The following ANK3 variants were observed in gnomAD, a reference collection of about 807,000 sequenced individuals.
ANK3 encodes the protein ankyrin 3.
Under a neutral mutation model 370.9 loss-of-function variants are expected in ANK3, and 57 were observed. That is an observed-to-expected ratio of 0.15 (90% CI 0.12 to 0.19). The LOEUF (loss-of-function observed/expected upper bound fraction) is 0.19. Ranked by LOEUF, ANK3 falls within the 10% of genes least tolerant of loss-of-function variation. The probability of loss-of-function intolerance (pLI) is 1.00; values close to 1 mark genes in which losing one functional copy is unlikely to be tolerated. For synonymous variants in ANK3, 1,929 were observed against 1,946.3 expected (o/e 0.99, Z 0.23); for missense variants, 4,439 against 5,302.1 (o/e 0.84, Z 5.06).
chr10:60,386,941 C>T (rs1044069382), intron 1 of ANK3, among the ~76,000 whole-genome samples: 3 of 152,164 alleles, frequency 2.0e-5, no homozygotes, highest in African/African-American at 7.2e-5. Context: ...GGGTGGATCA[C>T]CTGAGATCAG....
intron 2 of ANK3, among the ~76,000 whole-genome samples, chr10:60,519,075 C>T (rs1198831203): frequency 6.6e-6 from 1 of 152,110 alleles, no homozygotes; most frequent in African/African-American, 2.4e-5. Flanking sequence ...GAATATTACC[C>T]TTGCTTCCCT....
intron 1 of ANK3, among the ~76,000 whole-genome samples, chr10:60,344,545 C>T (rs10761486): frequency 0.7 from 105,641 of 151,514 alleles, 38,074 homozygotes; most frequent in South Asian, 0.91. Flanking sequence ...GGTATTCCCA[C>T]GCACACGGGC....
chr10:60,088,183 C>T lies in ANK3; in HGVS notation c.3504G>A (p.Glu1168=), dbSNP rs987125617. Residue 1168 remains glutamate, a synonymous_variant, in exon 29 of 44, where the codon GAG becomes GAA. Transcript: ENST00000280772. The stretch of plus-strand genomic sequence containing the variant: ...CTCGAATTCTTTTAGTTAGGGCACC[C>T]TCTGGGAAAGATGCTTGAACAAGGG... ...TVPLVQASFP[E]GALTKRIRVG... The T allele has an allele frequency of 9.3e-6, 15 of 1,614,054 alleles. No homozygotes were observed. In the Admixed American group the frequency reaches 1.3e-4, roughly 14 times the overall value.
intron 1 of ANK3, among the ~76,000 whole-genome samples, chr10:60,287,282 T>C (rs1039601138): frequency 2.0e-5 from 3 of 152,090 alleles, no homozygotes; most frequent in African/African-American, 7.2e-5. Context: ...TTTTTATTGT[T>C]TTCCTAACTT....
In ANK3 at chr10:60,439,979, G is replaced by A. The variant is rs115136312; in HGVS notation, c.97-160340C>T. Among the ~76,000 whole-genome samples the A allele has an allele frequency of 5.5e-3, 835 of 152,310 alleles. 7 individuals carry two copies. The highest frequency in any genetic ancestry group is 0.019 in the African/African-American group (784 of 41,554). The stretch of plus-strand genomic sequence containing the variant: ...AGTTAATTAATACATTCTGCACTCT[G>A]AGTTTTTCAATCTGTACAAAGTACA... On this transcript the variant is annotated intron_variant, in intron 2 of 43. Coordinates refer to the ANK3 transcript ENST00000373827.
At chr10:60,681,160 T>C (rs924888715) in intron 1 of ANK3, among the ~76,000 whole-genome samples, 1 of 152,188 alleles carries the variant, frequency 6.6e-6, no homozygotes. Context: ...TCCCCATTTC[T>C]ACTATTCTGT....
intron 1 of ANK3, among the ~76,000 whole-genome samples, chr10:60,691,203 T>C (rs1230975067): frequency 3.3e-5 from 5 of 152,184 alleles, no homozygotes; most frequent in Non-Finnish European, 7.3e-5. Context: ...CTGGGTACTG[T>C]GCTCAGTAGC....
chr10:60,082,432 C>T, intron 34 of ANK3, 183 bp downstream of exon 34: 1 of 835,576 alleles, frequency 1.2e-6, no homozygotes, highest in South Asian at 1.9e-5. Context: ...GAGAAGACTC[C>T]ATCATACAAA....
In ANK3 at chr10:60,083,618, C is replaced by A; in HGVS notation, c.4075-1G>T. The A allele has an allele frequency of 6.3e-7, 1 of 1,585,962 alleles. No individual in the cohort carries two copies. The highest frequency in any genetic ancestry group is 8.6e-7 in the Non-Finnish European group (1 of 1,169,132). The stretch of plus-strand genomic sequence containing the variant: ...CATAAATAGGTTTTCCTTCCAGAAC[C>A]TTTTAGAGTAAAAGAAATAAACAAT... On this transcript the variant is annotated splice_acceptor_variant, in intron 32 of 43. Transcript: ENST00000280772. LOFTEE classifies it high-confidence loss of function.
intron 35 of ANK3, among the ~76,000 whole-genome samples, chr10:60,080,908 GA>G (rs2085051020): frequency 6.6e-6 from 1 of 152,156 alleles, no homozygotes; most frequent in Non-Finnish European, 1.5e-5. Context: ...TGTTCATATT[GA>G]AAGCACATAT....
chr10:60,683,393 T>C (rs1440803285), intron 1 of ANK3, among the ~76,000 whole-genome samples: 6 of 152,118 alleles, frequency 3.9e-5, no homozygotes, highest in Non-Finnish European at 8.8e-5. Context: ...GTAAAATAAG[T>C]CAAATCCATG....
intron 1 of ANK3, among the ~76,000 whole-genome samples, chr10:60,388,483 T>C (rs1158452): frequency 0.011 from 1,712 of 152,304 alleles, 25 homozygotes; most frequent in African/African-American, 0.029. Context: ...TAAAAATGCT[T>C]TATGACCTGC....
intron 2 of ANK3, among the ~76,000 whole-genome samples, chr10:60,604,460 A>C (rs1173466821): frequency 6.6e-6 from 1 of 152,196 alleles, no homozygotes; most frequent in Non-Finnish European, 1.5e-5. Context: ...TATCAAACAC[A>C]AAAGTTGACA....
intron 2 of ANK3, among the ~76,000 whole-genome samples, chr10:60,501,652 C>A (rs1362997658): frequency 4.0e-5 from 6 of 149,782 alleles, no homozygotes; most frequent in Non-Finnish European, 8.9e-5. Flanking sequence ...TTGCAGTGAA[C>A]CGAGATTGTG....
chr10:60,198,231 C>G (rs572695942), intron 14 of ANK3, 109 bp downstream of exon 14: 2 of 1,083,102 alleles, frequency 1.8e-6, no homozygotes. Context: ...ACTGTGGGAT[C>G]GCAAGAATAG....
At chr10:60,329,537 G>T (rs569034601) in intron 1 of ANK3, among the ~76,000 whole-genome samples, 1 of 151,946 alleles carries the variant, frequency 6.6e-6, no homozygotes, top group Non-Finnish European at 1.5e-5. Flanking sequence ...TTCACAATTG[G>T]TACAAAGAGA....
intron 23 of ANK3, among the ~76,000 whole-genome samples, chr10:60,147,202 T>G (rs1002769575): frequency 6.6e-6 from 1 of 152,326 alleles, no homozygotes; most frequent in East Asian, 1.9e-4. Flanking sequence ...TGTGTCAGGC[T>G]GGAGGACCCG....
chr10:60,510,414 T>A (rs2076048963), intron 2 of ANK3, among the ~76,000 whole-genome samples: 1 of 152,166 alleles, frequency 6.6e-6, no homozygotes, highest in Admixed American at 6.6e-5. Context: ...ACCCACCATG[T>A]GCCAAGTACA....
intron 42 of ANK3, among the ~76,000 whole-genome samples, chr10:60,045,389 TTGGTGGATTTAGA>T: frequency 6.6e-6 from 1 of 152,320 alleles, no homozygotes; most frequent in Non-Finnish European, 1.5e-5. Context: ...CATAGACAGC[TTGGTGGATTTAGA>T]TGGCTCCATA....
Sources: gnomAD v4.1 joint callset for allele counts (sites outside exome capture counted in the v4.1 genomes callset) on GRCh38, gnomAD v4.1.1 for gene constraint, MANE v1.5 for transcripts, NCBI Gene and HGNC (gene_info 2026-07-23, HGNC 2026-07-21) for gene names.